The following MTAP variants were observed in gnomAD, a reference collection of about 807,000 sequenced individuals.
MTAP encodes S-methyl-5'-thioadenosine phosphorylase.
MTAP carries 33 observed loss-of-function variants against 33.6 expected under a neutral mutation model. That is an observed-to-expected ratio of 0.98 (90% CI 0.74 to 1.31). The LOEUF (loss-of-function observed/expected upper bound fraction) is 1.31. Ranked by LOEUF, MTAP falls within the 40% of genes most tolerant of loss-of-function variation. The pLI is 0.00. For missense variants in MTAP, 367 were observed against 360.0 expected, an observed-to-expected ratio of 1.02 and a Z score of -0.16; for synonymous variants, 148 against 125.7, an observed-to-expected ratio of 1.18 and a Z score of -1.19.
At position 21,802,711 on chromosome 9, in the gene MTAP, G is replaced by C. The variant is rs772887649; in HGVS notation, c.-38G>C. ...TGGCTCGCTTGGTTCCCTTAGTCCC[G>C]AGCGCTCGCCCACTGCAGATTCCTT... On this transcript the variant is annotated 5_prime_UTR_variant, in exon 1 of 8. Transcript: ENST00000644715. 3 of 1,605,616 alleles carry C rather than the reference G, an allele frequency of 1.9e-6. No individual in the cohort carries two copies. The highest frequency in any genetic ancestry group is 1.7e-5 in the Admixed American group (1 of 59,358).
chr9:21,907,209 C>G (rs1387552586), intron 1 of MTAP, among the ~76,000 whole-genome samples: 1 of 152,234 alleles, frequency 6.6e-6, no homozygotes, highest in East Asian at 1.9e-4. Flanking sequence ...TTCTAATGCA[C>G]TAACCTGTAA....
At chr9:21,822,789 A>G (rs1005887189) in intron 4 of MTAP, among the ~76,000 whole-genome samples, 10 of 151,456 alleles carry the variant, frequency 6.6e-5, no homozygotes, top group African/African-American at 2.2e-4. Flanking sequence ...ATCTCTAAGG[A>G]CTTGCTTTAT....
intron 1 of MTAP, among the ~76,000 whole-genome samples, chr9:21,883,866 C>T (rs941546534): frequency 2.6e-5 from 4 of 151,920 alleles, no homozygotes; most frequent in Admixed American, 2.0e-4. Context: ...CACACTAGCC[C>T]GCACAGGAAG....
intron 1 of MTAP, among the ~76,000 whole-genome samples, chr9:21,877,285 T>TA (rs768226950): frequency 2.6e-5 from 4 of 152,068 alleles, no homozygotes; most frequent in Admixed American, 6.6e-5. Context: ...TCTATATAGA[T>TA]AATCATGTCA....
chr9:21,901,264 A>G (rs12238536), intron 1 of MTAP, among the ~76,000 whole-genome samples: 40,170 of 152,174 alleles, frequency 0.26, 5,555 homozygotes, highest in Admixed American at 0.37. Context: ...GAAAGGCTCA[A>G]TGTTACAAAA....
rs749061158 is a variant in MTAP at position 21,859,373 on chromosome 9, C to G, written c.761C>G (p.Thr254Ser). ...AAAGCCAAAAGCTTACTGCTCACTA[C>G]CATACCTCAGATAGGGTCCACAGAA... ...ANKAKSLLLT[T>S]IPQIGSTEWS... is the part of the protein sequence containing the mutation. The change falls in exon 7 of 8, where the codon ACC becomes AGC. Residue 254 changes from threonine (T) to serine (S), a missense_variant. Transcript: ENST00000644715. 6.2e-7 allele frequency: 1 copy of G among 1,613,628 alleles called. No homozygotes were observed. Among genetic ancestry groups the G allele is most frequent in the Non-Finnish European group, 8.5e-7 (1 of 1,179,774 alleles).
Position 21,863,421 on chromosome 9 carries a change from T to A in MTAP, c.*1407T>A, listed in dbSNP as rs1478663053. ...AGGAGATCGAGACCATCCTGGCTAA[T>A]GCGTTGAAACTCCGTCTCTACTAAA... On this transcript the variant is annotated 3_prime_UTR_variant, in exon 8 of 8. Transcript: ENST00000644715. The A allele has an allele frequency of 1.5e-6, 1 of 689,448 alleles. No homozygotes were observed. The highest frequency in any genetic ancestry group is 1.3e-4 in the East Asian group (1 of 7,458). The allele number at this position is 689,448 out of a possible 1,614,324, so 42.7% of individuals were successfully genotyped here.
At chr9:21,849,537 C>T (rs1199316833) in intron 5 of MTAP, among the ~76,000 whole-genome samples, 1 of 152,180 alleles carries the variant, frequency 6.6e-6, no homozygotes, top group Non-Finnish European at 1.5e-5. Context: ...TGGCAGAACC[C>T]CCACACTGGC....
At chr9:21,900,179 T>C (rs1028505184) in intron 1 of MTAP, among the ~76,000 whole-genome samples, 3 of 152,072 alleles carry the variant, frequency 2.0e-5, no homozygotes, top group Admixed American at 1.3e-4. Context: ...AATTGACAAG[T>C]GGGACCTAAT....
chr9:21,839,173 G>GTTTTT (rs10634119), intron 5 of MTAP, among the ~76,000 whole-genome samples: 4 of 143,762 alleles, frequency 2.8e-5, no homozygotes, highest in East Asian at 2.0e-4. Context: ...CTTTTACTTG[G>GTTTTT]TTTTTTTTTT....
intron 1 of MTAP, among the ~76,000 whole-genome samples, chr9:21,880,046 C>G (rs754736830): frequency 6.6e-6 from 1 of 152,036 alleles, no homozygotes; most frequent in African/African-American, 2.4e-5. Flanking sequence ...TGCAAGAGTT[C>G]TGTGTATTCC....
At chr9:21,823,112 C>G (rs1178567189) in intron 4 of MTAP, among the ~76,000 whole-genome samples, 7 of 152,158 alleles carry the variant, frequency 4.6e-5, no homozygotes, top group Non-Finnish European at 8.8e-5. Context: ...TTAATTGGAG[C>G]ATTTAGCCCA....
chr9:21,840,286 A>T (rs373151014), intron 5 of MTAP, among the ~76,000 whole-genome samples: 6 of 152,304 alleles, frequency 3.9e-5, no homozygotes, highest in African/African-American at 1.4e-4. Flanking sequence ...CGGACAGAAT[A>T]GCATATGGAG....
At position 21,816,708 on chromosome 9, in the gene MTAP, A is replaced by G. The variant is rs763876510; in HGVS notation, c.121-6A>G. ...GAGTTAAATGTCATTTTTTCATTGCATGCAGCCATCTGATGCCTTAATTTT... is the reference window on the plus strand; with the variant it reads ...GAGTTAAATGTCATTTTTTCATTGCGTGCAGCCATCTGATGCCTTAATTTT... On this transcript the variant is annotated splice_region_variant and splice_polypyrimidine_tract_variant and intron_variant, in intron 2 of 7. Transcript: ENST00000644715. The G allele has an allele frequency of 2.5e-6, 4 of 1,609,020 alleles. No homozygotes were observed. In the African/African-American group the frequency reaches 5.4e-5, roughly 22 times the overall value.
chr9:21,806,996 T>G (rs1433324038), intron 1 of MTAP, among the ~76,000 whole-genome samples: 4 of 152,072 alleles, frequency 2.6e-5, no homozygotes, highest in Non-Finnish European at 5.9e-5. Flanking sequence ...AAACCCCATT[T>G]CTACAAAAAA....
chr9:21,803,424 C>G (rs1050313894), intron 1 of MTAP: 1 of 152,996 alleles, frequency 6.5e-6, no homozygotes, highest in Admixed American at 6.5e-5. Context: ...TACAGGCGTC[C>G]GTTTTTAGGG....
At chr9:21,834,575 A>G (rs530671582) in intron 4 of MTAP, among the ~76,000 whole-genome samples, 72 of 152,318 alleles carry the variant, frequency 4.7e-4, no homozygotes, top group Middle Eastern at 3.4e-3. Context: ...TCACCTTGGC[A>G]TATGGCCCTC....
downstream of MTAP, among the ~76,000 whole-genome samples, chr9:21,870,779 C>CTTTT (rs777664959): frequency 3.8e-5 from 5 of 131,034 alleles, no homozygotes; most frequent in African/African-American, 8.4e-5. Flanking sequence ...ATTTTTTTTT[C>CTTTT]TTTTTTTTTT....
intron 1 of MTAP, among the ~76,000 whole-genome samples, chr9:21,886,537 CTAGAAGGGTTT>C (rs1019642851): frequency 1.3e-5 from 2 of 152,140 alleles, no homozygotes; most frequent in African/African-American, 4.8e-5. Context: ...AAGCCAATGT[CTAGAAGGGTTT>C]TTCTGATGTT....
Sources: gnomAD v4.1 joint callset for allele counts (sites outside exome capture counted in the v4.1 genomes callset) on GRCh38, gnomAD v4.1.1 for gene constraint, MANE v1.5 for transcripts, NCBI Gene and HGNC (gene_info 2026-07-23, HGNC 2026-07-21) for gene names.